Variants in RFFL observed in about 807,000 individuals in gnomAD.
RFFL encodes ring finger and FYVE like domain containing E3 ubiquitin protein ligase.
In RFFL, 16 loss-of-function variants were observed where a neutral mutation model predicts 40.4. The ratio of observed to expected loss-of-function variants is 0.40; its 90% CI spans 0.27 to 0.60. The LOEUF (loss-of-function observed/expected upper bound fraction) is 0.60. RFFL is among the 20% of genes least tolerant of loss of function. The pLI, the probability that RFFL is intolerant of heterozygous loss-of-function variation, is 0.47. For missense variants in RFFL, 367 were observed against 451.7 expected, an observed-to-expected ratio of 0.81 and a Z score of 1.70; for synonymous variants, 154 against 167.9, an observed-to-expected ratio of 0.92 and a Z score of 0.64.
At chr17:35,084,330 T>A (rs527598626) in intron 1 of RFFL, among the ~76,000 whole-genome samples, 1 of 152,154 alleles carries the variant, frequency 6.6e-6, no homozygotes, top group East Asian at 1.9e-4. Context: ...ACGCAGTGGC[T>A]CACACCTGTA....
At chr17:35,046,551 A>G (rs1234422534) in intron 1 of RFFL, among the ~76,000 whole-genome samples, 2 of 152,202 alleles carry the variant, frequency 1.3e-5, no homozygotes, top group East Asian at 3.8e-4. Flanking sequence ...ATAAACTGTT[A>G]AAATAATAAT....
intron 1 of RFFL, among the ~76,000 whole-genome samples, chr17:35,087,985 C>CA (rs552603719): frequency 3.9e-4 from 60 of 152,306 alleles, no homozygotes; most frequent in Admixed American, 8.5e-4. Flanking sequence ...TGCCTACTCC[C>CA]ATTCCTAGAA....
intron 1 of RFFL, among the ~76,000 whole-genome samples, chr17:35,056,096 C>T (rs1210967280): frequency 6.6e-6 from 1 of 152,046 alleles, no homozygotes; most frequent in Admixed American, 6.6e-5. Context: ...ATTCTGCAGC[C>T]CAACAAATAA....
chr17:35,057,406 C>T (rs990594509), intron 1 of RFFL, among the ~76,000 whole-genome samples: 6 of 151,854 alleles, frequency 4.0e-5, no homozygotes, highest in African/African-American at 1.2e-4. Flanking sequence ...CCAGGGCCTA[C>T]AAACTTGGGT....
chr17:35,070,423 A>G (rs889399148), intron 1 of RFFL, among the ~76,000 whole-genome samples: 5 of 152,086 alleles, frequency 3.3e-5, no homozygotes, highest in Non-Finnish European at 5.9e-5. Context: ...GCCTGCCTCA[A>G]CCTCCCAAAG....
chr17:35,076,140 C>T (rs1167280064), intron 1 of RFFL, among the ~76,000 whole-genome samples: 6 of 151,562 alleles, frequency 4.0e-5, no homozygotes, highest in South Asian at 2.1e-4. Flanking sequence ...ACTACAGGCG[C>T]GTGCCACCAC....
intron 1 of RFFL, among the ~76,000 whole-genome samples, chr17:35,078,358 A>G (rs963064076): frequency 6.6e-6 from 1 of 152,224 alleles, no homozygotes; most frequent in Non-Finnish European, 1.5e-5. Flanking sequence ...ACTAGAGTAC[A>G]GTTGTGCAAC....
intron 1 of RFFL, among the ~76,000 whole-genome samples, chr17:35,032,416 T>A (rs887869863): frequency 2.0e-5 from 3 of 151,804 alleles, no homozygotes; most frequent in African/African-American, 7.3e-5. Context: ...TCTGATAGAA[T>A]GAGCAGAATG....
At chr17:35,028,818 T>C (rs2091061898) in intron 1 of RFFL, among the ~76,000 whole-genome samples, 1 of 151,930 alleles carries the variant, frequency 6.6e-6, no homozygotes, top group South Asian at 2.1e-4. Flanking sequence ...ACCTCAGGCC[T>C]CTTCACTTCT....
intron 2 of RFFL, among the ~76,000 whole-genome samples, chr17:35,025,574 T>C (rs1302188384): frequency 6.6e-6 from 1 of 152,248 alleles, no homozygotes; most frequent in Non-Finnish European, 1.5e-5. Context: ...TTTAAAAGTA[T>C]GATTTCCTCT....
chr17:35,084,988 A>G (rs933914670), intron 1 of RFFL, among the ~76,000 whole-genome samples: 1 of 152,170 alleles, frequency 6.6e-6, no homozygotes, highest in Non-Finnish European at 1.5e-5. Context: ...GTATGGCCTC[A>G]TAGTAGTAAT....
intron 2 of RFFL, among the ~76,000 whole-genome samples, chr17:35,023,729 G>A (rs1159856495): frequency 3.9e-5 from 6 of 152,214 alleles, no homozygotes; most frequent in East Asian, 1.9e-4. Context: ...TAAAGCCTGC[G>A]TTGCTCAATC....
intron 3 of RFFL, among the ~76,000 whole-genome samples, chr17:35,020,254 C>G (rs1030771866): frequency 6.6e-6 from 1 of 151,990 alleles, no homozygotes; most frequent in Non-Finnish European, 1.5e-5. Context: ...CCCTATAGAT[C>G]AAGGGTCCCC....
intron 1 of RFFL, among the ~76,000 whole-genome samples, chr17:35,028,050 G>A (rs1217417365): frequency 6.1e-5 from 9 of 147,536 alleles, no homozygotes; most frequent in Non-Finnish European, 1.3e-4. Context: ...AAAAAGAAGC[G>A]TTGGCCAGGT....
intron 1 of RFFL, among the ~76,000 whole-genome samples, chr17:35,071,978 C>G (rs181003552): frequency 3.3e-5 from 5 of 152,146 alleles, no homozygotes; most frequent in Admixed American, 3.3e-4. Context: ...TGAGACCTAT[C>G]TCTACAAAAA....
rs368312618 is a variant in RFFL at position 35,017,481 on chromosome 17, A to G, written c.675+42T>C. 2.6e-5 allele frequency: 34 copies of G among 1,318,540 alleles called. No individual in the cohort carries two copies. The African/African-American group carries it at 4.2e-4, about 16-fold the overall frequency. 81.7% of individuals were successfully genotyped at this position (1,318,540 alleles called of 1,614,324 possible). A position where few individuals can be genotyped will look rare whatever the true frequency, so the allele number is the denominator to read the frequency against. ...TAAGAGGTTCCGAAGAACACCAGTGAAAGAGGAAAGGTGAAGACACAGACC... is the reference window on the plus strand; with the variant it reads ...TAAGAGGTTCCGAAGAACACCAGTGGAAGAGGAAAGGTGAAGACACAGACC... On this transcript the variant is annotated intron_variant, in intron 4 of 6. Coordinates refer to ENST00000394597, the MANE Select transcript of RFFL (RefSeq NM_001017368.2).
chr17:35,013,112 T>C (rs928745089), intron 6 of RFFL, among the ~76,000 whole-genome samples: 7 of 152,372 alleles, frequency 4.6e-5, no homozygotes, highest in Admixed American at 4.6e-4. Context: ...GTAGGACCTC[T>C]TGTTATTTTC....
chr17:35,067,722 TG>T (rs1316659902), upstream of RFFL, among the ~76,000 whole-genome samples: 5 of 152,178 alleles, frequency 3.3e-5, no homozygotes, highest in Admixed American at 2.6e-4. Flanking sequence ...CCCAAAGTGC[TG>T]GGATTATAGG....
At chr17:35,073,029 G>A (rs1453196335) in intron 1 of RFFL, among the ~76,000 whole-genome samples, 1 of 126,928 alleles carries the variant, frequency 7.9e-6, no homozygotes, top group Non-Finnish European at 1.6e-5. Flanking sequence ...GGCAACAAGA[G>A]TGAAACTCCG....
Sources: allele counts gnomAD v4.1 joint callset (sites outside exome capture counted in the v4.1 genomes callset), GRCh38; gene constraint gnomAD v4.1.1; transcripts MANE v1.5; gene names NCBI Gene and HGNC (gene_info 2026-07-23, HGNC 2026-07-21).